The following MPC2 variants were observed in gnomAD, a reference collection of about 807,000 sequenced individuals.
MPC2 encodes mitochondrial pyruvate carrier 2, also known as brain protein 44.
A neutral mutation model predicts 19.2 loss-of-function variants in MPC2; 19 were observed. That is an observed-to-expected ratio of 0.99 (90% CI 0.69 to 1.45). MPC2 has a LOEUF of 1.45. Ranked by LOEUF, MPC2 falls within the 40% of genes most tolerant of loss-of-function variation. The probability of loss-of-function intolerance (pLI) is 0.00; values close to 1 mark genes in which losing one functional copy is unlikely to be tolerated. For synonymous variants in MPC2, 61 were observed against 54.3 expected (o/e 1.12, Z -0.54); for missense variants, 122 against 153.0 (o/e 0.80, Z 1.07).
At chr1:167,935,073 CT>C (rs1211559917) in intron 2 of MPC2, among the ~76,000 whole-genome samples, 1 of 152,086 alleles carries the variant, frequency 6.6e-6, no homozygotes, top group Non-Finnish European at 1.5e-5. Context: ...GAGATCTAGG[CT>C]TTTGCTCAAG....
chr1:167,934,040 T>C (rs1670989185), intron 2 of MPC2, among the ~76,000 whole-genome samples: 2 of 152,246 alleles, frequency 1.3e-5, no homozygotes, highest in African/African-American at 4.8e-5. Flanking sequence ...CGTAGGTCTA[T>C]TTCCCTTCAA....
chr1:167,924,754 GAT>G (rs537753731), intron 2 of MPC2, among the ~76,000 whole-genome samples: 279 of 152,206 alleles, frequency 1.8e-3, no homozygotes, highest in African/African-American at 6.1e-3. Flanking sequence ...GGTTTGAACT[GAT>G]AGGTTCAACT....
chr1:167,922,220 T>A (rs1670619896), intron 3 of MPC2, among the ~76,000 whole-genome samples: 1 of 152,146 alleles, frequency 6.6e-6, no homozygotes. Context: ...ATCTGGAGAC[T>A]ATGTATGATT....
At position 167,930,028 on chromosome 1, in the gene MPC2, C is replaced by T. The variant is rs375944888; in HGVS notation, c.110-5491G>A. Among the ~76,000 whole-genome samples, 10 of 152,232 alleles carry T rather than the reference C, an allele frequency of 6.6e-5. No homozygotes were observed. In the East Asian group the frequency reaches 1.2e-3, roughly 18 times the overall value. On this transcript the variant is annotated intron_variant, in intron 2 of 5. Coordinates refer to ENST00000271373, the MANE Select transcript of MPC2 (RefSeq NM_001143674.4). ...AGAATATGTAAAGGTTAATCTTTGA[C>T]ATGGATACTGACGGCCAAAAAATCA...
chr1:167,921,109 T>C (rs1670589825), intron 3 of MPC2, among the ~76,000 whole-genome samples: 2 of 152,174 alleles, frequency 1.3e-5, no homozygotes, highest in African/African-American at 4.8e-5. Context: ...AGATTTGGGG[T>C]ATATGTGCAG....
Position 167,919,970 on chromosome 1 carries a change from T to C in MPC2, c.347+9A>G, listed in dbSNP as rs1670560464. On this transcript the variant is annotated intron_variant, in intron 5 of 5. Transcript: ENST00000271373. ...GCAACAGTTTTAAAAATATCTCTGG[T>C]AGGCTTACCTCCAAATACGAAAAAG... 2 of 1,596,678 alleles carry C rather than the reference T, an allele frequency of 1.3e-6. No homozygotes were observed. The highest frequency in any genetic ancestry group is 1.1e-5 in the South Asian group (1 of 88,610).
rs1553201575 is a variant in MPC2 at position 167,932,823 on chromosome 1, A to AAAAG, written c.109+2909_109+2910insCTTT. 4.5e-3 allele frequency among the ~76,000 whole-genome samples: 674 copies of AAAAG among 150,690 alleles called. 6 individuals are homozygous for AAAAG. Among genetic ancestry groups the AAAAG allele is most frequent in the African/African-American group, 0.016 (638 of 40,650 alleles). On this transcript the variant is annotated intron_variant, in intron 2 of 5. Coordinates refer to ENST00000271373, the MANE Select transcript of MPC2 (RefSeq NM_001143674.4). ...GACTCTGTCTCAAAAAAAAAAAAAAAAAAAGAAAAGAAAAGAAAAGAAAAA... is the reference window on the plus strand; with the variant it reads ...GACTCTGTCTCAAAAAAAAAAAAAAAAAAGAAAAGAAAAGAAAAGAAAAGAAAAA...
chr1:167,927,704 G>C (rs886133189), intron 2 of MPC2, among the ~76,000 whole-genome samples: 4 of 152,182 alleles, frequency 2.6e-5, no homozygotes, highest in African/African-American at 9.7e-5. Context: ...TTTTCAGTAG[G>C]TTTGCCTGGT....
In MPC2 at chr1:167,937,069, C is replaced by T. The variant is rs189703972; in HGVS notation, c.-188G>A. The T allele has an allele frequency of 2.1e-6, 3 of 1,418,036 alleles. No individual in the cohort carries two copies. Among genetic ancestry groups the T allele is most frequent in the Admixed American group, 1.9e-5 (1 of 51,626 alleles). The allele number at this position is 1,418,036 out of a possible 1,614,324, so 87.8% of individuals were successfully genotyped here. On this transcript the variant is annotated 5_prime_UTR_variant, in exon 1 of 6. In the 5' UTR this introduces an upstream ATG that the reference lacks. Transcript: ENST00000271373. ...GCCGCCTAGAGTGGGGGAGGGGGCACGCTGCCGGGTCTGTTGGAGGTGGGA... is the reference window on the plus strand; with the variant it reads ...GCCGCCTAGAGTGGGGGAGGGGGCATGCTGCCGGGTCTGTTGGAGGTGGGA...
intron 2 of MPC2, 118 bp downstream of exon 2, chr1:167,935,615 G>T: frequency 1.3e-6 from 1 of 772,324 alleles, no homozygotes; most frequent in Non-Finnish European, 2.2e-6. Context: ...TTCACTTGAA[G>T]GGAAGGGATT....
intron 2 of MPC2, among the ~76,000 whole-genome samples, chr1:167,926,873 G>C (rs977645119): frequency 1.3e-5 from 2 of 152,110 alleles, no homozygotes; most frequent in East Asian, 1.9e-4. Flanking sequence ...CTCATCTCAG[G>C]TTGCATCTCC....
At chr1:167,924,597 T>C in intron 2 of MPC2, 60 bp from the exon 3 acceptor site, 1 of 1,245,022 alleles carries the variant, frequency 8.0e-7, no homozygotes, top group Non-Finnish European at 1.1e-6. Flanking sequence ...ACACGTCTTT[T>C]AACAGCTGTC....
At chr1:167,921,116 G>T (rs924016486) in intron 3 of MPC2, among the ~76,000 whole-genome samples, 21 of 152,050 alleles carry the variant, frequency 1.4e-4, no homozygotes, top group Admixed American at 5.9e-4. Context: ...GGGTATATGT[G>T]CAGGTTTGTT....
chr1:167,932,856 TGGGCAACATAACTTCAA>T (rs917634659), intron 2 of MPC2, among the ~76,000 whole-genome samples: 3 of 149,246 alleles, frequency 2.0e-5, no homozygotes, highest in Non-Finnish European at 4.5e-5. Flanking sequence ...AAAATAACAC[TGGGCAACATAACTTCAA>T]GATTATTTCT....
chr1:167,927,122 A>C (rs1670782819), intron 2 of MPC2, among the ~76,000 whole-genome samples: 1 of 152,218 alleles, frequency 6.6e-6, no homozygotes, highest in Non-Finnish European at 1.5e-5. Flanking sequence ...CTAATCAAAG[A>C]TATTCAAACT....
intron 3 of MPC2, among the ~76,000 whole-genome samples, chr1:167,920,980 T>A (rs1263535062): frequency 6.6e-6 from 1 of 152,166 alleles, no homozygotes; most frequent in Non-Finnish European, 1.5e-5. Flanking sequence ...TCTTTATATA[T>A]GTCAGGAACC....
At position 167,924,540 on chromosome 1, in the gene MPC2, GAAA is replaced by G; in HGVS notation, c.110-6_110-4del. ...CCAGAAGAAAACTGTTCTGGGACCT[GAAA>G]AAAAAAAGAAAAGAAAAATTCAGGA... On this transcript the variant is annotated splice_region_variant and splice_polypyrimidine_tract_variant and intron_variant, in intron 2 of 5. Coordinates refer to ENST00000271373, the MANE Select transcript of MPC2 (RefSeq NM_001143674.4). 1.6e-6 allele frequency: 2 copies of G among 1,243,708 alleles called. No individual in the cohort carries two copies. The highest frequency in any genetic ancestry group is 2.2e-6 in the Non-Finnish European group (2 of 925,482). 77.0% of individuals were successfully genotyped at this position (1,243,708 alleles called of 1,614,324 possible).
In MPC2 at chr1:167,924,540, G is replaced by GAA. The variant is rs749662188; in HGVS notation, c.110-5_110-4dup. On this transcript the variant is annotated splice_region_variant and splice_polypyrimidine_tract_variant and intron_variant, in intron 2 of 5. Transcript: ENST00000271373. Reference sequence around the variant, plus strand: ...CCAGAAGAAAACTGTTCTGGGACCTGAAAAAAAAAAGAAAAGAAAAATTCA... The same window carrying GAA: ...CCAGAAGAAAACTGTTCTGGGACCTGAAAAAAAAAAAAGAAAAGAAAAATTCA... 5.7e-5 allele frequency: 71 copies of GAA among 1,242,452 alleles called. No individual in the cohort carries two copies. The highest frequency in any genetic ancestry group is 2.2e-4 in the Admixed American group (8 of 35,584). The allele number at this position is 1,242,452 out of a possible 1,614,324, so 77.0% of individuals were successfully genotyped here.
In MPC2 at chr1:167,918,203, G is replaced by C; in HGVS notation, c.*120C>G. On this transcript the variant is annotated 3_prime_UTR_variant, in exon 6 of 6. Coordinates refer to ENST00000271373, the MANE Select transcript of MPC2 (RefSeq NM_001143674.4). ...CATTTTTCTATTGAATCAAGAACTA[G>C]CTACCAGTTACAGTGCCTTCTAAAC... 1.4e-6 allele frequency: 1 copy of C among 700,252 alleles called. No individual in the cohort carries two copies. Among genetic ancestry groups the C allele is most frequent in the South Asian group, 2.2e-5 (1 of 44,506 alleles). The allele number at this position is 700,252 out of a possible 1,614,324, so 43.4% of individuals were successfully genotyped here.
Sources: gnomAD v4.1 joint callset for allele counts (sites outside exome capture counted in the v4.1 genomes callset) on GRCh38, gnomAD v4.1.1 for gene constraint, MANE v1.5 for transcripts, NCBI Gene and HGNC (gene_info 2026-07-23, HGNC 2026-07-21) for gene names.